SDK2: variants seen among roughly 807,000 people sequenced by gnomAD.
The protein encoded by SDK2 is protein sidekick-2.
Under a neutral mutation model 253.9 loss-of-function variants are expected in SDK2, and 105 were observed. That is an observed-to-expected ratio of 0.41 (90% CI 0.35 to 0.49). The LOEUF is 0.49. Among genes scored for constraint, SDK2 ranks in the 20% least tolerant of loss-of-function variants. SDK2 has a pLI of 0.06. For synonymous variants in SDK2, 1,249 were observed against 1,234.9 expected (o/e 1.01, Z -0.24); for missense variants, 2,608 against 3,003.0 (o/e 0.87, Z 3.07).
chr17:73,506,101 G>A (rs1019988135), intron 2 of SDK2, among the ~76,000 whole-genome samples: 11 of 152,246 alleles, frequency 7.2e-5, no homozygotes, highest in African/African-American at 2.7e-4. Flanking sequence ...ACTTGCACGT[G>A]TGGTATGCCA....
chr17:73,596,873 G>T (rs1461236214), intron 1 of SDK2, among the ~76,000 whole-genome samples: 1 of 152,240 alleles, frequency 6.6e-6, no homozygotes, highest in Non-Finnish European at 1.5e-5. Flanking sequence ...CTTGGAATGG[G>T]AGGTGCTAAC....
intron 2 of SDK2, among the ~76,000 whole-genome samples, chr17:73,475,708 G>A (rs530454338): frequency 5.3e-5 from 8 of 152,208 alleles, no homozygotes; most frequent in East Asian, 1.9e-4. Flanking sequence ...GAAGGTTTGC[G>A]AATAAAAGCA....
chr17:73,369,160 C>A (rs1445177693), intron 36 of SDK2: 8 of 470,904 alleles, frequency 1.7e-5, no homozygotes, highest in Non-Finnish European at 1.3e-5. Flanking sequence ...GGAGGATTTA[C>A]CATAGCGCTG....
At chr17:73,555,106 A>G (rs1038216199) in intron 1 of SDK2, among the ~76,000 whole-genome samples, 1 of 152,180 alleles carries the variant, frequency 6.6e-6, no homozygotes, top group Non-Finnish European at 1.5e-5. Flanking sequence ...TAGAGCTTGC[A>G]TTGTCTAGCT....
intron 1 of SDK2, among the ~76,000 whole-genome samples, chr17:73,624,724 C>T (rs571484828): frequency 9.9e-5 from 15 of 152,282 alleles, no homozygotes; most frequent in South Asian, 8.3e-4. Flanking sequence ...GCATAAGCAC[C>T]GCTCTCAGCC....
Position 73,361,821 on chromosome 17 carries a change from T to G in SDK2, c.5330A>C (p.Asp1777Ala). ...VDGVSKIVTV[D>A]VKGNSPLWLK... Reference sequence around the variant, plus strand: ...CCACAGGGGGCTGTTCCCCTTCACGTCCACGGTCACGATCTTGCTGACTCC... The same window carrying G: ...CCACAGGGGGCTGTTCCCCTTCACGGCCACGGTCACGATCTTGCTGACTCC... Residue 1777 changes from aspartate to alanine, a missense_variant, in exon 39 of 45, where the codon GAC becomes GCC. Asp to Ala is a moderately radical substitution (Grantham distance 126). Transcript: ENST00000392650. The surrounding 1 kb of genome is among the most constrained non-coding windows in gnomAD (Gnocchi z 4.1). The G allele has an allele frequency of 6.2e-7, 1 of 1,602,332 alleles. No individual in the cohort carries two copies. The highest frequency in any genetic ancestry group is 8.5e-7 in the Non-Finnish European group (1 of 1,174,238).
rs976345406 is a variant in SDK2, at chr17:73,436,672, G to A, written c.1001-1028C>T. Among the ~76,000 whole-genome samples the A allele has an allele frequency of 7.3e-5, 11 of 150,142 alleles. 1 individual carries two copies. The highest frequency in any genetic ancestry group is 3.9e-4 in the East Asian group (2 of 5,092). ...CCACGGCCCTGTCCCCACTAAGCCTGCTTGCCTTCCCTTCCCGGCACCCTT... is the reference window on the plus strand; with the variant it reads ...CCACGGCCCTGTCCCCACTAAGCCTACTTGCCTTCCCTTCCCGGCACCCTT... On this transcript the variant is annotated intron_variant, in intron 8 of 44. Transcript: ENST00000392650.
At chr17:73,387,048 C>T (rs571998480) in intron 30 of SDK2, among the ~76,000 whole-genome samples, 8 of 152,324 alleles carry the variant, frequency 5.3e-5, no homozygotes, top group African/African-American at 1.9e-4. Context: ...GCAACCTCCG[C>T]CTCCCGCGTT....
rs1257104547 is a variant in SDK2, at chr17:73,612,873, C to T, written c.64+31152G>A. Among the ~76,000 whole-genome samples, 2 of 152,110 alleles carry T rather than the reference C, an allele frequency of 1.3e-5. No individual in the cohort carries two copies. The highest frequency in any genetic ancestry group is 2.9e-5 in the Non-Finnish European group (2 of 68,034). ...CAGAAGTTGCAGTGAGCCAAGATCG[C>T]GCCATTGCACTCCAGCCTGGGTGAC... On this transcript the variant is annotated intron_variant, in intron 1 of 44. Transcript: ENST00000392650. This position sits in a 1 kb window ranked among gnomAD's most constrained non-coding sequence, Gnocchi z 4.4.
chr17:73,395,027 G>T lies in SDK2; in HGVS notation c.3592+128C>A. ...AACATCATTGTGACATTGAGCATAA[G>T]CAGAGGAAATGAGCTCAGGCTGTTT... On this transcript the variant is annotated intron_variant, in intron 25 of 44. Transcript: ENST00000392650. This position sits in a 1 kb window ranked among gnomAD's most constrained non-coding sequence, Gnocchi z 4.3. The T allele has an allele frequency of 1.5e-6, 1 of 683,948 alleles. No homozygotes were observed. The highest frequency in any genetic ancestry group is 2.5e-6 in the Non-Finnish European group (1 of 401,818). The allele number at this position is 683,948 out of a possible 1,614,324, so 42.4% of individuals were successfully genotyped here.
intron 18 of SDK2, among the ~76,000 whole-genome samples, chr17:73,406,830 A>G (rs1489404172): frequency 1.3e-5 from 2 of 152,218 alleles, no homozygotes; most frequent in African/African-American, 4.8e-5. Context: ...AGACTTAGCA[A>G]TGCAGTGCGA....
intron 3 of SDK2, among the ~76,000 whole-genome samples, chr17:73,461,939 G>A (rs1372746664): frequency 6.6e-6 from 1 of 152,056 alleles, no homozygotes; most frequent in African/African-American, 2.4e-5. Flanking sequence ...ATGGTTGTAT[G>A]TATGTTTACA....
At chr17:73,571,859 A>G (rs1320595422) in intron 1 of SDK2, among the ~76,000 whole-genome samples, 1 of 152,086 alleles carries the variant, frequency 6.6e-6, no homozygotes, top group East Asian at 1.9e-4. Context: ...GGGCCCAGGG[A>G]CAGGACAGGC....
intron 1 of SDK2, among the ~76,000 whole-genome samples, chr17:73,535,953 A>C (rs2044765332): frequency 6.6e-6 from 1 of 151,970 alleles, no homozygotes; most frequent in African/African-American, 2.4e-5. Flanking sequence ...CTTTCTTCCT[A>C]ATTCCTCTGT....
At chr17:73,389,744 C>G (rs1376427651) in intron 29 of SDK2, among the ~76,000 whole-genome samples, 2 of 151,996 alleles carry the variant, frequency 1.3e-5, no homozygotes, top group Non-Finnish European at 2.9e-5. Flanking sequence ...GGTCACTAAC[C>G]CTCCCTTAAT....
intron 38 of SDK2, among the ~76,000 whole-genome samples, chr17:73,363,376 T>C (rs964046738): frequency 1.3e-5 from 2 of 152,144 alleles, no homozygotes; most frequent in African/African-American, 4.8e-5. Context: ...GGCCGCTAAG[T>C]GGATTACTAA....
intron 40 of SDK2, among the ~76,000 whole-genome samples, chr17:73,357,173 T>C (rs1206977058): frequency 6.6e-6 from 1 of 152,236 alleles, no homozygotes; most frequent in Non-Finnish European, 1.5e-5. Flanking sequence ...GCAGGAGCGG[T>C]GGTAATGTCT....
At chr17:73,347,398 T>C (rs958401215) in intron 44 of SDK2, among the ~76,000 whole-genome samples, 1 of 152,132 alleles carries the variant, frequency 6.6e-6, no homozygotes, top group Non-Finnish European at 1.5e-5. Flanking sequence ...TCCCCCACAA[T>C]AAGTTCCTGG....
chr17:73,476,675 T>C (rs767805086), intron 2 of SDK2, among the ~76,000 whole-genome samples: 1 of 152,176 alleles, frequency 6.6e-6, no homozygotes, highest in Non-Finnish European at 1.5e-5. Context: ...TGGAGGGCAA[T>C]GGCGAGATCC....
Sources: allele counts gnomAD v4.1 joint callset (sites outside exome capture counted in the v4.1 genomes callset), GRCh38; gene constraint gnomAD v4.1.1; non-coding constraint Gnocchi (gnomAD v3.1); transcripts MANE v1.5; gene names NCBI Gene and HGNC (gene_info 2026-07-23, HGNC 2026-07-21).